FARS2: variants seen among roughly 807,000 people sequenced by gnomAD.
FARS2 encodes phenylalanyl-tRNA synthetase 2, mitochondrial.
A neutral mutation model predicts 46.4 loss-of-function variants in FARS2; 40 were observed. That is an observed-to-expected ratio of 0.86 (90% CI 0.67 to 1.12). The LOEUF is 1.12. Ranked by LOEUF, FARS2 falls within the 50% of genes most tolerant of loss-of-function variation. The pLI is 0.00. For missense variants in FARS2, 513 were observed against 567.9 expected, an observed-to-expected ratio of 0.90 and a Z score of 0.98; for synonymous variants, 234 against 214.9, an observed-to-expected ratio of 1.09 and a Z score of -0.78.
At chr6:5,715,160 G>A (rs1041924479) in intron 6 of FARS2, among the ~76,000 whole-genome samples, 1 of 152,098 alleles carries the variant, frequency 6.6e-6, no homozygotes, top group Non-Finnish European at 1.5e-5. Flanking sequence ...TACATTTGAG[G>A]GAACTAGGGT....
At chr6:5,638,978 A>G (rs1361954581) in intron 6 of FARS2, among the ~76,000 whole-genome samples, 1 of 152,212 alleles carries the variant, frequency 6.6e-6, no homozygotes, top group East Asian at 1.9e-4. Flanking sequence ...ATAACTGACT[A>G]GCAACTTGTA....
chr6:5,368,910 G>A lies in FARS2; in HGVS notation c.340G>A (p.Asp114Asn), dbSNP rs1439156431. Residue 114 changes from aspartate (D) to asparagine (N), a missense_variant, in exon 2 of 7, where the codon GAC becomes AAC. Asp to Asn is a conservative substitution (Grantham distance 23, BLOSUM62 1). Coordinates refer to ENST00000274680, the MANE Select transcript of FARS2 (RefSeq NM_006567.5). ...TGGGACCCCGTTGTTCTCGGTCTAC[G>A]ACAACCTTTCTCCAGTGGTCACGAC... ...RFGTPLFSVY[D>N]NLSPVVTTWQ... 8 of 1,614,122 alleles carry A rather than the reference G, an allele frequency of 5.0e-6. No individual in the cohort carries two copies. Among genetic ancestry groups the A allele is most frequent in the Middle Eastern group, 1.6e-4 (1 of 6,062 alleles).
chr6:5,486,879 G>A (rs1766805963), intron 4 of FARS2, among the ~76,000 whole-genome samples: 1 of 152,162 alleles, frequency 6.6e-6, no homozygotes, highest in African/African-American at 2.4e-5. Flanking sequence ...AAGCTAATAT[G>A]ATAATGGCAG....
chr6:5,520,945 A>G (rs1049227638), intron 4 of FARS2, among the ~76,000 whole-genome samples: 1 of 152,182 alleles, frequency 6.6e-6, no homozygotes, highest in Non-Finnish European at 1.5e-5. Flanking sequence ...TACCCCCAAA[A>G]GAATCAGGGT....
At chr6:5,418,780 A>G (rs1260974460) in intron 3 of FARS2, among the ~76,000 whole-genome samples, 1 of 152,076 alleles carries the variant, frequency 6.6e-6, no homozygotes, top group Non-Finnish European at 1.5e-5. Flanking sequence ...GGGCTCTCCC[A>G]TGTTCTCCTT....
intron 6 of FARS2, among the ~76,000 whole-genome samples, chr6:5,753,059 A>G (rs75365787): frequency 0.019 from 2,850 of 152,252 alleles, 88 homozygotes; most frequent in African/African-American, 0.063. Flanking sequence ...AGTATATGAG[A>G]TAGTCATATG....
intron 1 of FARS2, among the ~76,000 whole-genome samples, chr6:5,276,600 C>T (rs184223953): frequency 5.3e-5 from 8 of 152,296 alleles, no homozygotes; most frequent in Middle Eastern, 6.8e-3. Flanking sequence ...GCTTTACTTT[C>T]CCTTTATTCT....
chr6:5,354,943 T>A (rs1197924677), intron 1 of FARS2, among the ~76,000 whole-genome samples: 1 of 152,176 alleles, frequency 6.6e-6, no homozygotes, highest in African/African-American at 2.4e-5. Context: ...ATCTAACATC[T>A]TCTCTGGTGA....
At chr6:5,259,176 T>G (rs1005550468), upstream of FARS2, among the ~76,000 whole-genome samples, 1 of 152,252 alleles carries the variant, frequency 6.6e-6, no homozygotes, top group African/African-American at 2.4e-5. Flanking sequence ...AACTGCCTGC[T>G]GATTCCAAGT....
chr6:5,652,942 G>A (rs1052446429), intron 6 of FARS2, among the ~76,000 whole-genome samples: 6 of 152,196 alleles, frequency 3.9e-5, no homozygotes, highest in African/African-American at 1.4e-4. Context: ...AGGGCAAGAG[G>A]CCAGTATCTT....
chr6:5,706,136 G>A (rs901620061), intron 6 of FARS2, among the ~76,000 whole-genome samples: 7 of 152,120 alleles, frequency 4.6e-5, no homozygotes, highest in African/African-American at 1.7e-4. Context: ...AGGAGCACAC[G>A]AGCTAGATCC....
At chr6:5,421,913 G>A (rs570176711) in intron 3 of FARS2, among the ~76,000 whole-genome samples, 11 of 152,114 alleles carry the variant, frequency 7.2e-5, no homozygotes, top group Non-Finnish European at 1.5e-4. Context: ...ACCTCTTCCT[G>A]TTACCCAGTT....
At chr6:5,744,616 C>T (rs184103902) in intron 6 of FARS2, among the ~76,000 whole-genome samples, 22 of 152,268 alleles carry the variant, frequency 1.4e-4, no homozygotes, top group Admixed American at 2.6e-4. Context: ...AGCAGCTTAT[C>T]GGGAAGGCGC....
intron 3 of FARS2, among the ~76,000 whole-genome samples, chr6:5,412,877 T>C (rs563350517): frequency 2.3e-5 from 3 of 128,972 alleles, no homozygotes; most frequent in Non-Finnish European, 5.0e-5. Context: ...GACTTGTCTG[T>C]ACTCGCCTCG....
At chr6:5,362,686 A>G (rs992341541) in intron 1 of FARS2, among the ~76,000 whole-genome samples, 1 of 152,088 alleles carries the variant, frequency 6.6e-6, no homozygotes, top group African/African-American at 2.4e-5. Flanking sequence ...ATACTCCTCT[A>G]AATTCCCACC....
At chr6:5,430,968 G>A (rs1358154901) in intron 3 of FARS2, 73 bp from the exon 4 acceptor site, 7 of 1,509,788 alleles carry the variant, frequency 4.6e-6, no homozygotes, top group Non-Finnish European at 5.4e-6. Context: ...ATTAGTAGAA[G>A]GGAAAATTTG....
chr6:5,588,910 G>A (rs1773766405), intron 5 of FARS2, among the ~76,000 whole-genome samples: 1 of 152,176 alleles, frequency 6.6e-6, no homozygotes, highest in Non-Finnish European at 1.5e-5. Context: ...ATCGCCATAG[G>A]CAATCAGCTC....
chr6:5,669,070 G>A (rs1389804297), intron 6 of FARS2, among the ~76,000 whole-genome samples: 1 of 152,154 alleles, frequency 6.6e-6, no homozygotes, highest in Non-Finnish European at 1.5e-5. Flanking sequence ...ATAGTGCACA[G>A]TGCTTTCAAG....
chr6:5,375,416 A>G (rs1456507925), intron 2 of FARS2, among the ~76,000 whole-genome samples: 1 of 152,040 alleles, frequency 6.6e-6, no homozygotes, highest in Non-Finnish European at 1.5e-5. Flanking sequence ...ATAGAAGAAC[A>G]TAAGGAGAGA....
Sources: gnomAD v4.1 joint callset for allele counts (sites outside exome capture counted in the v4.1 genomes callset) on GRCh38, gnomAD v4.1.1 for gene constraint, MANE v1.5 for transcripts, NCBI Gene and HGNC (gene_info 2026-07-23, HGNC 2026-07-21) for gene names.